PPP6R3: variants seen among roughly 807,000 people sequenced by gnomAD.
PPP6R3 encodes serine/threonine-protein phosphatase 6 regulatory subunit 3.
PPP6R3 carries 38 observed loss-of-function variants against 110.7 expected under a neutral mutation model. The ratio of observed to expected loss-of-function variants is 0.34; its 90% CI spans 0.26 to 0.45. The LOEUF is 0.45. Among genes scored for constraint, PPP6R3 ranks in the 20% least tolerant of loss-of-function variants. The probability of loss-of-function intolerance (pLI) is 1.00; values close to 1 mark genes in which losing one functional copy is unlikely to be tolerated. For synonymous variants in PPP6R3, 369 were observed against 373.5 expected, an observed-to-expected ratio of 0.99 and a Z score of 0.14; for missense variants, 870 against 1,062.4, an observed-to-expected ratio of 0.82 and a Z score of 2.52.
chr11:68,554,132 T>C lies in PPP6R3; in HGVS notation c.619-13T>C, dbSNP rs368255455. Reference sequence around the variant, plus strand: ...ACATGTTTTATGGTTAAAATTGTACTTTTTTCCTTTAGCGACATTCAAATG... The same window carrying C: ...ACATGTTTTATGGTTAAAATTGTACCTTTTTCCTTTAGCGACATTCAAATG... On this transcript the variant is annotated splice_polypyrimidine_tract_variant and intron_variant, in intron 6 of 23. Coordinates refer to ENST00000393800, the MANE Select transcript of PPP6R3 (RefSeq NM_001164161.2). 2 of 1,582,584 alleles carry C rather than the reference T, an allele frequency of 1.3e-6. No individual in the cohort carries two copies. The highest frequency in any genetic ancestry group is 4.5e-5 in the East Asian group (2 of 44,708).
At chr11:68,553,728 T>C (rs914613941) in intron 6 of PPP6R3, among the ~76,000 whole-genome samples, 1 of 152,232 alleles carries the variant, frequency 6.6e-6, no homozygotes, top group African/African-American at 2.4e-5. Flanking sequence ...TTCAGTTTTT[T>C]TCAGATTTTG....
At chr11:68,543,603 T>TG (rs1475919569) in intron 3 of PPP6R3, among the ~76,000 whole-genome samples, 2 of 152,188 alleles carry the variant, frequency 1.3e-5, no homozygotes, top group African/African-American at 2.4e-5. Flanking sequence ...GTCGTATACG[T>TG]GTCCCTCCTG....
At chr11:68,566,278 CTTCTTCTTCTTCTTTA>C (rs1226876941) in intron 9 of PPP6R3, among the ~76,000 whole-genome samples, 6 of 151,624 alleles carry the variant, frequency 4.0e-5, no homozygotes, top group Non-Finnish European at 8.8e-5. Flanking sequence ...ACTACTACCA[CTTCTTCTTCTTCTTTA>C]TTCTTCCTTC....
chr11:68,594,722 A>G (rs1272563012), intron 18 of PPP6R3, among the ~76,000 whole-genome samples: 3 of 152,204 alleles, frequency 2.0e-5, no homozygotes, highest in African/African-American at 4.8e-5. Flanking sequence ...GTAGCTATTA[A>G]CAAGCTGCTT....
At chr11:68,559,215 A>G (rs188472411) in intron 8 of PPP6R3, among the ~76,000 whole-genome samples, 217 of 152,300 alleles carry the variant, frequency 1.4e-3, no homozygotes, top group African/African-American at 5.0e-3. Flanking sequence ...TTGAGGACAA[A>G]TTTCTTCTAC....
chr11:68,559,772 C>T (rs1239598128), intron 8 of PPP6R3, among the ~76,000 whole-genome samples: 1 of 151,842 alleles, frequency 6.6e-6, no homozygotes, highest in Admixed American at 6.6e-5. Flanking sequence ...CCTCTTCCCA[C>T]CCCAGGGGTA....
At chr11:68,547,643 C>T (rs925924702) in intron 4 of PPP6R3, among the ~76,000 whole-genome samples, 1 of 152,154 alleles carries the variant, frequency 6.6e-6, no homozygotes. Flanking sequence ...ATTTTTTTCT[C>T]ATGCTTGTTA....
intron 1 of PPP6R3, among the ~76,000 whole-genome samples, chr11:68,470,163 T>C (rs995063085): frequency 3.3e-5 from 5 of 152,144 alleles, no homozygotes; most frequent in Non-Finnish European, 7.4e-5. Context: ...GGAAAGACAG[T>C]TAACAGATAA....
chr11:68,486,320 C>T (rs982701408), intron 1 of PPP6R3, among the ~76,000 whole-genome samples: 11 of 151,974 alleles, frequency 7.2e-5, no homozygotes, highest in East Asian at 5.8e-4. Context: ...ATTCTGTCTG[C>T]GACTGCCGGG....
At position 68,588,175 on chromosome 11, in the gene PPP6R3, G is replaced by A. The variant is rs2099584538; in HGVS notation, c.1730+151G>A. The A allele has an allele frequency of 5.5e-6, 4 of 721,608 alleles. No homozygotes were observed. In the East Asian group the frequency reaches 1.1e-4, roughly 19 times the overall value. The allele number at this position is 721,608 out of a possible 1,614,324, so 44.7% of individuals were successfully genotyped here. A position where few individuals can be genotyped will look rare whatever the true frequency, so the allele number is the denominator to read the frequency against. ...GTGTTCCTCTAGTTCCAGCAGATTG[G>A]CCCTGGGACTGGATAATTAGGACTT... On this transcript the variant is annotated intron_variant, in intron 16 of 23. Transcript: ENST00000393800.
chr11:68,592,442 C>T (rs1404016274), intron 18 of PPP6R3, among the ~76,000 whole-genome samples: 1 of 152,156 alleles, frequency 6.6e-6, no homozygotes, highest in East Asian at 1.9e-4. Context: ...ACTGTCTCAT[C>T]CCTTCTTCCA....
chr11:68,504,173 G>A (rs751297727), intron 1 of PPP6R3, among the ~76,000 whole-genome samples: 5 of 152,090 alleles, frequency 3.3e-5, no homozygotes, highest in Non-Finnish European at 7.4e-5. Context: ...ACAAAGGAAT[G>A]TCTATATCAG....
chr11:68,463,868 G>A (rs2098726351), intron 1 of PPP6R3, among the ~76,000 whole-genome samples: 1 of 152,130 alleles, frequency 6.6e-6, no homozygotes, highest in Non-Finnish European at 1.5e-5. Flanking sequence ...ATTTTTGCTT[G>A]TTACACCTCT....
chr11:68,571,080 C>T lies in PPP6R3; in HGVS notation c.1319C>T (p.Ala440Val), dbSNP rs1214254802. ...KCQLIERILE[A>V]WEMNEKKQAE... Reference sequence around the variant, plus strand: ...CAATTAATAGAACGAATACTTGAAGCCTGGGAAATGAATGAGAAGAAACAG... The same window carrying T: ...CAATTAATAGAACGAATACTTGAAGTCTGGGAAATGAATGAGAAGAAACAG... The change falls in exon 12 of 24, where the codon GCC (alanine) becomes GTC (valine). Residue 440 changes from alanine to valine, a missense_variant. Physicochemically the swap from Ala to Val is moderately conservative, Grantham distance 64. Coordinates refer to ENST00000393800, the MANE Select transcript of PPP6R3 (RefSeq NM_001164161.2). The T allele has an allele frequency of 6.3e-7, 1 of 1,594,248 alleles. No homozygotes were observed. Among genetic ancestry groups the T allele is most frequent in the Non-Finnish European group, 8.5e-7 (1 of 1,173,942 alleles).
chr11:68,463,063 G>A (rs1003122205), intron 1 of PPP6R3, among the ~76,000 whole-genome samples: 1 of 152,140 alleles, frequency 6.6e-6, no homozygotes, highest in Non-Finnish European at 1.5e-5. Flanking sequence ...GACAGGATGA[G>A]GTTGCCTAGC....
At chr11:68,566,314 CTTCCTCCTTCTCT>C (rs887296885) in intron 9 of PPP6R3, among the ~76,000 whole-genome samples, 1 of 151,542 alleles carries the variant, frequency 6.6e-6, no homozygotes, top group African/African-American at 2.4e-5. Context: ...CCTCCTCCTC[CTTCCTCCTTCTCT>C]TTCCTCCTCC....
chr11:68,553,078 C>G (rs2099387096), intron 6 of PPP6R3, among the ~76,000 whole-genome samples: 2 of 152,088 alleles, frequency 1.3e-5, no homozygotes, highest in African/African-American at 4.8e-5. Flanking sequence ...TTTGGATATC[C>G]TAATCTGTGC....
intron 1 of PPP6R3, among the ~76,000 whole-genome samples, chr11:68,496,377 T>C (rs1481314645): frequency 6.6e-6 from 1 of 151,990 alleles, no homozygotes. Flanking sequence ...GGTCTCTCTG[T>C]ATTGTCCAGG....
chr11:68,601,804 T>G (rs1310555093), intron 20 of PPP6R3, 59 bp from the exon 21 acceptor site: 2 of 1,374,596 alleles, frequency 1.5e-6, no homozygotes, highest in African/African-American at 1.4e-5. Flanking sequence ...ATTGTGAATC[T>G]TGGGGTAACT....
Sources: allele counts gnomAD v4.1 joint callset (sites outside exome capture counted in the v4.1 genomes callset), GRCh38; gene constraint gnomAD v4.1.1; transcripts MANE v1.5; gene names NCBI Gene and HGNC (gene_info 2026-07-23, HGNC 2026-07-21).